The following CTNND2 variants were observed in gnomAD, a reference collection of about 807,000 sequenced individuals.
CTNND2 encodes catenin delta-2.
Under a neutral mutation model 144.4 loss-of-function variants are expected in CTNND2, and 22 were observed. The ratio of observed to expected loss-of-function variants is 0.15; its 90% CI spans 0.11 to 0.22. The LOEUF (loss-of-function observed/expected upper bound fraction) is 0.22, where lower values mean the gene tolerates loss of function less well. CTNND2 is among the 10% of genes least tolerant of loss of function. CTNND2 has a pLI of 1.00. For missense variants in CTNND2, 1,353 were observed against 1,618.8 expected (o/e 0.84, Z 2.82); for synonymous variants, 751 against 695.6 (o/e 1.08, Z -1.25).
chr5:10,988,165 C>T lies in CTNND2; in HGVS notation c.3289G>A (p.Ala1097Thr), dbSNP rs779153680. Residue 1097 changes from alanine to threonine, a missense_variant, in exon 20 of 22, where the codon GCC (alanine) becomes ACC (threonine). Coordinates refer to ENST00000304623, the MANE Select transcript of CTNND2 (RefSeq NM_001332.4). This position sits in a 1 kb window ranked among gnomAD's most constrained non-coding sequence, Gnocchi z 5.9. ...KTDYECTGSN[A>T]TYHGAKGEHT... The stretch of plus-strand genomic sequence containing the variant: ...TCGCCTTTAGCTCCGTGGTAGGTGG[C>T]GTTGCTGCCGGTGCACTCGTAGTCT... 4 of 1,614,188 alleles carry T rather than the reference C, an allele frequency of 2.5e-6. No individual in the cohort carries two copies. Among genetic ancestry groups the T allele is most frequent in the South Asian group, 2.2e-5 (2 of 91,082 alleles).
At chr5:11,647,526 C>T (rs929214829) in intron 2 of CTNND2, among the ~76,000 whole-genome samples, 5 of 151,836 alleles carry the variant, frequency 3.3e-5, no homozygotes, top group Non-Finnish European at 5.9e-5. Flanking sequence ...TAGTGCCCCC[C>T]GCAAGCCCCT....
At chr5:11,210,338 C>T (rs2149844544) in intron 10 of CTNND2, among the ~76,000 whole-genome samples, 1 of 152,262 alleles carries the variant, frequency 6.6e-6, no homozygotes, top group African/African-American at 2.4e-5. Flanking sequence ...GCAGAGGCTG[C>T]AGTGAGCCTA....
At chr5:11,155,186 T>C (rs182398643) in intron 12 of CTNND2, among the ~76,000 whole-genome samples, 1 of 152,166 alleles carries the variant, frequency 6.6e-6, no homozygotes. Flanking sequence ...TCAACACATG[T>C]TTTTGGTTGA....
intron 2 of CTNND2, among the ~76,000 whole-genome samples, chr5:11,690,586 A>G (rs1784854608): frequency 6.6e-6 from 1 of 151,694 alleles, no homozygotes; most frequent in South Asian, 2.1e-4. Flanking sequence ...ACAAAAAAAA[A>G]TTAGCCGGGC....
At chr5:11,202,532 G>A (rs1278846957) in intron 10 of CTNND2, among the ~76,000 whole-genome samples, 1 of 152,132 alleles carries the variant, frequency 6.6e-6, no homozygotes, top group Non-Finnish European at 1.5e-5. Flanking sequence ...CTAAGAATGT[G>A]AGAACCCTAC....
intron 2 of CTNND2, 113 bp downstream of exon 2, chr5:11,732,023 C>A: frequency 1.1e-6 from 1 of 936,150 alleles, no homozygotes; most frequent in Non-Finnish European, 1.6e-6. Flanking sequence ...TACCAACACT[C>A]TGCTACATGA....
At chr5:11,763,589 G>C (rs913414295) in intron 1 of CTNND2, among the ~76,000 whole-genome samples, 2 of 152,140 alleles carry the variant, frequency 1.3e-5, no homozygotes, top group Admixed American at 6.5e-5. Context: ...AGCATTACAA[G>C]AGCTTCCAAA....
intron 1 of CTNND2, among the ~76,000 whole-genome samples, chr5:11,761,986 A>G (rs1410621525): frequency 3.9e-5 from 6 of 152,204 alleles, no homozygotes; most frequent in Non-Finnish European, 7.3e-5. Flanking sequence ...AAGTGACATT[A>G]GTCAAATAAG....
chr5:11,195,088 G>T (rs373174255), intron 11 of CTNND2, among the ~76,000 whole-genome samples: 111 of 152,194 alleles, frequency 7.3e-4, no homozygotes, highest in African/African-American at 2.1e-3. Flanking sequence ...GGAGACAAAA[G>T]AATTATTTTA....
At chr5:11,588,018 T>C (rs976087177) in intron 2 of CTNND2, among the ~76,000 whole-genome samples, 6 of 152,088 alleles carry the variant, frequency 3.9e-5, no homozygotes, top group Admixed American at 3.3e-4. Flanking sequence ...ATAAAAGCAA[T>C]CTTGAAACAC....
chr5:11,742,356 C>G (rs145687513), intron 1 of CTNND2, among the ~76,000 whole-genome samples: 10 of 152,216 alleles, frequency 6.6e-5, no homozygotes, highest in African/African-American at 2.2e-4. Flanking sequence ...CCTTCAGCAA[C>G]AGACTTCAAC....
At chr5:11,051,258 G>A (rs1745794026) in intron 16 of CTNND2, among the ~76,000 whole-genome samples, 1 of 152,226 alleles carries the variant, frequency 6.6e-6, no homozygotes. Context: ...CTTAGATCAT[G>A]CAGAGAGATA....
chr5:11,756,101 T>A (rs1409623632), intron 1 of CTNND2, among the ~76,000 whole-genome samples: 1 of 151,690 alleles, frequency 6.6e-6, no homozygotes, highest in Non-Finnish European at 1.5e-5. Flanking sequence ...TTTTTAATGC[T>A]AACATTATGC....
At chr5:11,681,388 T>A (rs1784415551) in intron 2 of CTNND2, among the ~76,000 whole-genome samples, 1 of 152,160 alleles carries the variant, frequency 6.6e-6, no homozygotes, top group African/African-American at 2.4e-5. Flanking sequence ...CAAAAGAACA[T>A]GAAGTCAAAA....
chr5:11,822,141 GA>G (rs1298261232), intron 1 of CTNND2, among the ~76,000 whole-genome samples: 2 of 151,966 alleles, frequency 1.3e-5, no homozygotes, highest in Non-Finnish European at 2.9e-5. Context: ...ATCTTCATTT[GA>G]AAAAGAAGAA....
chr5:11,426,636 G>A (rs2149864353), intron 3 of CTNND2, among the ~76,000 whole-genome samples: 1 of 152,302 alleles, frequency 6.6e-6, no homozygotes, highest in Non-Finnish European at 1.5e-5. Context: ...TCAGTACAAG[G>A]TAAATGTGTT....
At chr5:11,765,066 T>C (rs938122457) in intron 1 of CTNND2, among the ~76,000 whole-genome samples, 1 of 122,966 alleles carries the variant, frequency 8.1e-6, no homozygotes, top group South Asian at 2.9e-4. Flanking sequence ...TTCTTCCTCA[T>C]AGAGAAAATG....
chr5:11,522,592 G>A (rs1036649074), intron 3 of CTNND2, among the ~76,000 whole-genome samples: 5 of 152,058 alleles, frequency 3.3e-5, no homozygotes, highest in South Asian at 2.1e-4. Context: ...CTATACCCAC[G>A]CAACTCCTTC....
chr5:11,589,816 A>G (rs1244210931), intron 2 of CTNND2, among the ~76,000 whole-genome samples: 2 of 152,224 alleles, frequency 1.3e-5, no homozygotes, highest in Admixed American at 1.3e-4. Flanking sequence ...GGGACAAGTT[A>G]TTTAAAACAG....
Sources: allele counts gnomAD v4.1 joint callset (sites outside exome capture counted in the v4.1 genomes callset), GRCh38; gene constraint gnomAD v4.1.1; non-coding constraint Gnocchi (gnomAD v3.1); transcripts MANE v1.5; gene names NCBI Gene and HGNC (gene_info 2026-07-23, HGNC 2026-07-21).